Variants in RAB19 observed in about 807,000 individuals in gnomAD.
RAB19 encodes the protein RAB19, member RAS oncogene family.
A neutral mutation model predicts 17.3 loss-of-function variants in RAB19; 21 were observed. That is an observed-to-expected ratio of 1.21 (90% CI 0.86 to 1.74). The LOEUF is 1.74. Ranked by LOEUF, RAB19 falls within the 40% of genes most tolerant of loss-of-function variation. The pLI is 0.00. For missense variants in RAB19, 277 were observed against 286.8 expected, an observed-to-expected ratio of 0.97 and a Z score of 0.25; for synonymous variants, 126 against 110.4, an observed-to-expected ratio of 1.14 and a Z score of -0.88.
At position 140,411,939 on chromosome 7, in the gene RAB19, T is replaced by A; in HGVS notation, c.267T>A (p.Ser89Arg). ...FRTITQSYYR[S>R]AHAAIIAYDL... ...CCATCACCCAAAGCTACTACCGCAG[T>A]GCCCACGCAGCCATCATCGCCTATG... Residue 89 changes from serine to arginine, a missense_variant, in exon 3 of 4, where the codon AGT (serine) becomes AGA (arginine). Coordinates refer to ENST00000537763, the MANE Select transcript of RAB19 (RefSeq NM_001008749.3). 6.2e-7 allele frequency: 1 copy of A among 1,614,198 alleles called. No individual in the cohort carries two copies. The highest frequency in any genetic ancestry group is 8.5e-7 in the Non-Finnish European group (1 of 1,180,044).
intron 3 of RAB19, among the ~76,000 whole-genome samples, chr7:140,412,382 G>A (rs993087727): frequency 6.6e-6 from 1 of 152,218 alleles, no homozygotes; most frequent in Admixed American, 6.5e-5. Context: ...AACCCAGGAG[G>A]CAGAGGTTGC....
At chr7:140,416,948 G>A (rs903021174) in intron 3 of RAB19, among the ~76,000 whole-genome samples, 9 of 151,830 alleles carry the variant, frequency 5.9e-5, no homozygotes, top group Non-Finnish European at 1.0e-4. Flanking sequence ...AAATTAAGCC[G>A]GGTGCGGTGA....
chr7:140,427,031 A>G lies in RAB19; in HGVS notation c.*881A>G, dbSNP rs563925719. On this transcript the variant is annotated 3_prime_UTR_variant, in exon 4 of 4. Coordinates refer to ENST00000537763, the MANE Select transcript of RAB19 (RefSeq NM_001008749.3). ...TAATTTTTGTATTTTTTGTAGAGAC[A>G]AGGTTTCACCATGTTGCTCAGGCTG... 6.6e-6 allele frequency among the ~76,000 whole-genome samples: 1 copy of G among 151,366 alleles called. No homozygotes were observed. The highest frequency in any genetic ancestry group is 1.5e-5 in the Non-Finnish European group (1 of 67,832).
intron 2 of RAB19, among the ~76,000 whole-genome samples, chr7:140,410,313 C>CTTTGTTTTTTTTTTTTT (rs1799331495): frequency 1.2e-5 from 1 of 81,038 alleles, no homozygotes; most frequent in Non-Finnish European, 2.1e-5. Context: ...TTGTATTTTT[C>CTTTGTTTTTTTTTTTTT]TTTTTTTTTT....
At position 140,425,724 on chromosome 7, in the gene RAB19, C is replaced by CAAA. The variant is rs71761236; in HGVS notation, c.386-149_386-147dup. Among the ~76,000 whole-genome samples, 205 of 140,682 alleles carry CAAA rather than the reference C, an allele frequency of 1.5e-3. 1 individual carries two copies. Among genetic ancestry groups the CAAA allele is most frequent in the African/African-American group, 4.7e-3 (178 of 37,828 alleles). The allele number at this position is 140,682 out of a possible 152,430, so 92.3% of individuals were successfully genotyped here. On this transcript the variant is annotated intron_variant, in intron 3 of 3. Coordinates refer to ENST00000537763, the MANE Select transcript of RAB19 (RefSeq NM_001008749.3). ...GGGCGACAAGAGTGAAACTCCATCTCAAAAAAAAAAAGAAACAAAAAAATG... is the reference window on the plus strand; with the variant it reads ...GGGCGACAAGAGTGAAACTCCATCTCAAAAAAAAAAAAAAGAAACAAAAAAATG...
intron 2 of RAB19, among the ~76,000 whole-genome samples, chr7:140,410,633 AT>A (rs1799342424): frequency 6.7e-6 from 1 of 150,268 alleles, no homozygotes; most frequent in African/African-American, 2.5e-5. Flanking sequence ...GCCTTTTTGT[AT>A]TTTTCGTACA....
Position 140,409,639 on chromosome 7 carries a change from A to G in RAB19, c.201+1792A>G, listed in dbSNP as rs1472261836. 2.0e-5 allele frequency among the ~76,000 whole-genome samples: 3 copies of G among 152,054 alleles called. No individual in the cohort carries two copies. The East Asian group carries it at 5.8e-4, about 29-fold the overall frequency. ...CTTGAACCCAGGAGGCAGAGGTTGC[A>G]GTGAGCTGAGATCACACCATTGCAC... On this transcript the variant is annotated intron_variant, in intron 2 of 3. Transcript: ENST00000537763.
At chr7:140,417,252 A>AAT (rs1799477125) in intron 3 of RAB19, among the ~76,000 whole-genome samples, 1 of 150,466 alleles carries the variant, frequency 6.6e-6, no homozygotes, top group Non-Finnish European at 1.5e-5. Context: ...AAAAAAAAAA[A>AAT]TTAGCTGGAC....
At position 140,419,071 on chromosome 7, in the gene RAB19, GTTT is replaced by G. The variant is rs35965226; in HGVS notation, c.386-6797_386-6795del. 1.3e-3 allele frequency among the ~76,000 whole-genome samples: 139 copies of G among 109,236 alleles called. 1 individual carries two copies. The highest frequency in any genetic ancestry group is 3.3e-3 in the African/African-American group (89 of 27,072). 71.7% of individuals were successfully genotyped at this position (109,236 alleles called of 152,430 possible). A position where few individuals can be genotyped will look rare whatever the true frequency, so the allele number is the denominator to read the frequency against. ...TTTTTGTTTGTTTGTTTTGTGGTTTGTTTTTTTTTTTTTTTTGAGATGGAGTCT... is the reference window on the plus strand; with the variant it reads ...TTTTTGTTTGTTTGTTTTGTGGTTTGTTTTTTTTTTTTTGAGATGGAGTCT... On this transcript the variant is annotated intron_variant, in intron 3 of 3. Coordinates refer to ENST00000537763, the MANE Select transcript of RAB19 (RefSeq NM_001008749.3).
At chr7:140,414,536 A>G (rs1799420934) in intron 3 of RAB19, among the ~76,000 whole-genome samples, 2 of 152,190 alleles carry the variant, frequency 1.3e-5, no homozygotes, top group South Asian at 2.1e-4. Flanking sequence ...TCTGTCTTTC[A>G]TAACAAGCAT....
chr7:140,404,356 C>A (rs935892490), intron 1 of RAB19, 139 bp downstream of exon 1: 1 of 152,066 alleles, frequency 6.6e-6, no homozygotes, highest in Non-Finnish European at 1.5e-5. Context: ...CCTGAGGACT[C>A]CTGAGGGTGG....
At position 140,407,812 on chromosome 7, in the gene RAB19, G is replaced by A. The variant is rs369833403; in HGVS notation, c.166G>A (p.Val56Met). 40 of 1,612,740 alleles carry A rather than the reference G, an allele frequency of 2.5e-5. No individual in the cohort carries two copies. In the African/African-American group the frequency reaches 3.1e-4, roughly 12 times the overall value. The change falls in exon 2 of 4, where the codon GTG becomes ATG. Residue 56 changes from valine to methionine, a missense_variant. Coordinates refer to ENST00000537763, the MANE Select transcript of RAB19 (RefSeq NM_001008749.3). ...QQNTIGVDFT[V>M]RSLDIDGKKV... ...GAACACGATTGGAGTGGACTTTACCGTGCGTTCCCTTGATATTGACGGCAA... is the reference window on the plus strand; with the variant it reads ...GAACACGATTGGAGTGGACTTTACCATGCGTTCCCTTGATATTGACGGCAA...
chr7:140,406,848 G>A (rs1043106710), intron 1 of RAB19, among the ~76,000 whole-genome samples: 9 of 151,686 alleles, frequency 5.9e-5, no homozygotes, highest in Admixed American at 1.3e-4. Flanking sequence ...ATCAGTCCTC[G>A]TTGCTAGCTA....
At chr7:140,423,594 CA>C (rs1799599899) in intron 3 of RAB19, among the ~76,000 whole-genome samples, 1 of 152,142 alleles carries the variant, frequency 6.6e-6, no homozygotes, top group African/African-American at 2.4e-5. Flanking sequence ...AAGACAATCT[CA>C]AAAGGTTACA....
Position 140,415,904 on chromosome 7 carries a change from C to CA in RAB19, c.385+3859dup, listed in dbSNP as rs1033265523. ...TGGGTGACAGAGCAAGACTCTGTCT[C>CA]AAAAAAAAAAAATTATTCAAGCCAG... On this transcript the variant is annotated intron_variant, in intron 3 of 3. Transcript: ENST00000537763. Among the ~76,000 whole-genome samples the CA allele has an allele frequency of 7.1e-3, 997 of 139,668 alleles. 10 individuals carry two copies. The highest frequency in any genetic ancestry group is 0.024 in the African/African-American group (912 of 38,030). The allele number at this position is 139,668 out of a possible 152,430, so 91.6% of individuals were successfully genotyped here. A position where few individuals can be genotyped will look rare whatever the true frequency, so the allele number is the denominator to read the frequency against.
chr7:140,409,858 T>A (rs1359012602), intron 2 of RAB19, among the ~76,000 whole-genome samples: 1 of 151,130 alleles, frequency 6.6e-6, no homozygotes, highest in Non-Finnish European at 1.5e-5. Flanking sequence ...CCGGGCCTGG[T>A]GGCGGGTGCC....
intron 2 of RAB19, chr7:140,410,853 T>C (rs1799346459): frequency 9.2e-7 from 1 of 1,081,548 alleles, no homozygotes; most frequent in Non-Finnish European, 1.3e-6. Flanking sequence ...AAGAAATTGC[T>C]ACCCTCAGAC....
At chr7:140,414,108 G>T (rs1799413659) in intron 3 of RAB19, among the ~76,000 whole-genome samples, 1 of 152,084 alleles carries the variant, frequency 6.6e-6, no homozygotes. Flanking sequence ...GCAGTGGCAT[G>T]ACCTCGACTC....
At chr7:140,410,053 A>G (rs1047480155) in intron 2 of RAB19, among the ~76,000 whole-genome samples, 108 of 151,308 alleles carry the variant, frequency 7.1e-4, no homozygotes, top group African/African-American at 2.5e-3. Context: ...AATACTTCAA[A>G]GAAATCAACA....
Sources: gnomAD v4.1 joint callset for allele counts (sites outside exome capture counted in the v4.1 genomes callset) on GRCh38, gnomAD v4.1.1 for gene constraint, MANE v1.5 for transcripts, NCBI Gene and HGNC (gene_info 2026-07-23, HGNC 2026-07-21) for gene names.